The following SYT1 variants were observed in gnomAD, a reference collection of about 807,000 sequenced individuals.
The protein encoded by SYT1 is synaptotagmin-1.
SYT1 carries 8 observed loss-of-function variants against 44.8 expected under a neutral mutation model. The observed-to-expected ratio is 0.18, with a 90% CI of 0.10 to 0.32. SYT1 has a LOEUF of 0.32. Ranked by LOEUF, SYT1 falls within the 10% of genes least tolerant of loss-of-function variation. The pLI, the probability that SYT1 is intolerant of heterozygous loss-of-function variation, is 1.00. For missense variants in SYT1, 286 were observed against 509.3 expected, an observed-to-expected ratio of 0.56 and a Z score of 4.22; for synonymous variants, 154 against 188.8, an observed-to-expected ratio of 0.82 and a Z score of 1.51.
Position 79,161,229 on chromosome 12 carries a change from G to A in SYT1, c.-17-56274G>A, listed in dbSNP as rs577374646. ...CAATCCAGCCTGGGCAACAGAGTGA[G>A]ATCCTGTCTCAAAAAAGTGGGGGAT... On this transcript the variant is annotated intron_variant, in intron 3 of 10. Transcript: ENST00000261205. Among the ~76,000 whole-genome samples, 3 of 152,204 alleles carry A rather than the reference G, an allele frequency of 2.0e-5. No individual in the cohort carries two copies. In the East Asian group the frequency reaches 5.8e-4, roughly 29 times the overall value.
At chr12:79,009,103 G>A (rs536719260) in intron 2 of SYT1, among the ~76,000 whole-genome samples, 3 of 152,156 alleles carry the variant, frequency 2.0e-5, no homozygotes, top group East Asian at 3.9e-4. Flanking sequence ...TAACTTGCAC[G>A]AAGATACCTC....
At chr12:78,910,400 T>C (rs1180114356) in intron 1 of SYT1, among the ~76,000 whole-genome samples, 2 of 151,982 alleles carry the variant, frequency 1.3e-5, no homozygotes, top group Non-Finnish European at 2.9e-5. Flanking sequence ...GTACTAAACC[T>C]GGGTTAACTT....
intron 8 of SYT1, among the ~76,000 whole-genome samples, chr12:79,335,178 A>G (rs1030701537): frequency 1.3e-5 from 2 of 152,018 alleles, no homozygotes; most frequent in Non-Finnish European, 2.9e-5. Context: ...CACTTGTACG[A>G]TTTTATTTAG....
chr12:78,909,221 G>A (rs1265901340), intron 1 of SYT1, among the ~76,000 whole-genome samples: 1 of 151,780 alleles, frequency 6.6e-6, no homozygotes. Flanking sequence ...TAATATAAGT[G>A]TATGATTAGT....
chr12:79,371,849 A>G (rs1451478178), intron 9 of SYT1, among the ~76,000 whole-genome samples: 1 of 152,198 alleles, frequency 6.6e-6, no homozygotes, highest in African/African-American at 2.4e-5. Context: ...TGTAGTCCAG[A>G]AAAACAGGTG....
chr12:79,017,936 T>C (rs1421344827), intron 2 of SYT1, among the ~76,000 whole-genome samples: 3 of 152,044 alleles, frequency 2.0e-5, no homozygotes, highest in African/African-American at 7.2e-5. Flanking sequence ...TGGTTTGAAA[T>C]AAAATTGTTT....
intron 4 of SYT1, among the ~76,000 whole-genome samples, chr12:79,220,441 C>T (rs1875088383): frequency 6.6e-6 from 1 of 151,790 alleles, no homozygotes; most frequent in Admixed American, 6.6e-5. Context: ...TTGTTTCCTT[C>T]CTTTACTAAA....
At chr12:78,942,899 C>G (rs1235639070) in intron 1 of SYT1, among the ~76,000 whole-genome samples, 1 of 151,840 alleles carries the variant, frequency 6.6e-6, no homozygotes, top group Non-Finnish European at 1.5e-5. Context: ...TCATGTCACC[C>G]AAGTGAGACC....
At chr12:79,035,233 C>T (rs966773888) in intron 2 of SYT1, among the ~76,000 whole-genome samples, 10 of 151,726 alleles carry the variant, frequency 6.6e-5, no homozygotes, top group African/African-American at 1.5e-4. Flanking sequence ...GGTTTAAATA[C>T]ATAATTTTCT....
chr12:79,088,374 C>A (rs903281353), intron 3 of SYT1, among the ~76,000 whole-genome samples: 3 of 152,080 alleles, frequency 2.0e-5, no homozygotes, highest in Non-Finnish European at 1.5e-5. Flanking sequence ...AGGAAACAGG[C>A]ATACAAAACG....
At chr12:79,089,574 G>C (rs1419840067) in intron 3 of SYT1, among the ~76,000 whole-genome samples, 1 of 151,016 alleles carries the variant, frequency 6.6e-6, no homozygotes, top group Non-Finnish European at 1.5e-5. Context: ...AGGCTCCATT[G>C]GTTCAAATTC....
intron 4 of SYT1, among the ~76,000 whole-genome samples, chr12:79,248,003 C>T (rs908593549): frequency 8.6e-5 from 13 of 152,030 alleles, no homozygotes; most frequent in South Asian, 2.1e-4. Context: ...GAAAAAATAG[C>T]GAAGAATAGT....
chr12:78,973,001 G>A (rs945694657), intron 1 of SYT1, among the ~76,000 whole-genome samples: 29 of 152,024 alleles, frequency 1.9e-4, no homozygotes, highest in African/African-American at 5.8e-4. Context: ...TAGGACAAAC[G>A]TATTTTGCTT....
intron 1 of SYT1, among the ~76,000 whole-genome samples, chr12:78,913,755 T>G (rs1876480998): frequency 6.6e-6 from 1 of 151,914 alleles, no homozygotes; most frequent in Non-Finnish European, 1.5e-5. Context: ...ATGATTAAAC[T>G]AATAGTAATT....
At chr12:78,947,063 G>A (rs1878698116) in intron 1 of SYT1, among the ~76,000 whole-genome samples, 3 of 152,082 alleles carry the variant, frequency 2.0e-5, no homozygotes, top group Non-Finnish European at 4.4e-5. Flanking sequence ...TTTATTTATT[G>A]TATCTGAATG....
chr12:79,113,970 T>A (rs1439389680), intron 3 of SYT1, among the ~76,000 whole-genome samples: 1 of 152,170 alleles, frequency 6.6e-6, no homozygotes, highest in Non-Finnish European at 1.5e-5. Context: ...AGGCTTTCTA[T>A]GTTCTGACTC....
chr12:78,998,909 T>C (rs751971066), intron 2 of SYT1, among the ~76,000 whole-genome samples: 3 of 152,204 alleles, frequency 2.0e-5, no homozygotes, highest in Non-Finnish European at 4.4e-5. Flanking sequence ...ATTTGGTCAA[T>C]ATCTTGAGTT....
chr12:79,028,582 A>T (rs1228089067), intron 2 of SYT1, among the ~76,000 whole-genome samples: 2 of 151,258 alleles, frequency 1.3e-5, no homozygotes, highest in African/African-American at 4.8e-5. Context: ...TCTTTGTTGG[A>T]TAAACAAAAA....
intron 9 of SYT1, among the ~76,000 whole-genome samples, chr12:79,368,696 C>A (rs529390059): frequency 1.1e-4 from 17 of 151,682 alleles, no homozygotes; most frequent in African/African-American, 3.9e-4. Flanking sequence ...TAAATGTCTT[C>A]TTTTGAGAAG....
Sources: gnomAD v4.1 joint callset for allele counts (sites outside exome capture counted in the v4.1 genomes callset) on GRCh38, gnomAD v4.1.1 for gene constraint, MANE v1.5 for transcripts, NCBI Gene and HGNC (gene_info 2026-07-23, HGNC 2026-07-21) for gene names.